The following FXYD5 variants were observed in gnomAD, a reference collection of about 807,000 sequenced individuals.
FXYD5 encodes the protein FXYD domain containing ion transport regulator 5.
Under a neutral mutation model 25.7 loss-of-function variants are expected in FXYD5, and 21 were observed. The observed-to-expected ratio is 0.82, with a 90% confidence interval of 0.58 to 1.18. FXYD5 has a LOEUF of 1.18. Ranked by LOEUF, FXYD5 falls within the 50% of genes most tolerant of loss-of-function variation. FXYD5 has a pLI of 0.00. For missense variants in FXYD5, 229 were observed against 227.7 expected (o/e 1.01, Z -0.04); for synonymous variants, 101 against 90.7 (o/e 1.11, Z -0.64).
chr19:35,159,477 G>T (rs1298737727), intron 4 of FXYD5: 4 of 1,547,522 alleles, frequency 2.6e-6, no homozygotes, highest in Non-Finnish European at 3.5e-6. Flanking sequence ...ACTGCATAAA[G>T]ACTTGTTTTG....
chr19:35,158,393 T>C lies in FXYD5; in HGVS notation c.192T>C (p.Pro64=). ...LQPTSPTPTW[P]ADETPQPQTQ... ...CCACCTCTCCAACCCCAACCTGGCC[T>C]GCTGATGGTGAGTAGTGCAGGGGCA... is the stretch of plus-strand genomic sequence containing the variant. The change falls in exon 4 of 9, where the codon CCT becomes CCC. Residue 64 remains proline (P), a synonymous_variant. Transcript: ENST00000392219. 6.3e-7 allele frequency: 1 copy of C among 1,593,492 alleles called. No homozygotes were observed. The highest frequency in any genetic ancestry group is 2.2e-5 in the East Asian group (1 of 44,774).
At chr19:35,167,591 G>A (rs553480671) in intron 8 of FXYD5, among the ~76,000 whole-genome samples, 1 of 152,320 alleles carries the variant, frequency 6.6e-6, no homozygotes, top group East Asian at 1.9e-4. Flanking sequence ...AAAATGTTGT[G>A]GGTGAAATAA....
chr19:35,164,017 A>AG (rs1184436578), intron 5 of FXYD5, 139 bp from the exon 6 acceptor site: 28 of 1,529,692 alleles, frequency 1.8e-5, no homozygotes, highest in Non-Finnish European at 2.4e-5. Flanking sequence ...GGTGTGGAGT[A>AG]GGGGGGATGC....
intron 2 of FXYD5, among the ~76,000 whole-genome samples, chr19:35,156,220 G>A (rs1433232102): frequency 3.9e-5 from 6 of 152,196 alleles, no homozygotes; most frequent in Admixed American, 3.9e-4. Flanking sequence ...GAGAATGGGT[G>A]GAGGAGCTGA....
Position 35,169,674 on chromosome 19 carries a change from AG to A in FXYD5, c.*60del. On this transcript the variant is annotated 3_prime_UTR_variant, in exon 9 of 9. Coordinates refer to ENST00000392219, the MANE Select transcript of FXYD5 (RefSeq NM_014164.6). ...GCACCCGAAGACCAAGCCCCCTGCC[AG>A]CTCACCGTGCCCAGCCTCCTGCATC... 1 of 1,101,594 alleles carries A rather than the reference AG, an allele frequency of 9.1e-7. No homozygotes were observed. The highest frequency in any genetic ancestry group is 1.3e-5 in the South Asian group (1 of 79,986). The allele number at this position is 1,101,594 out of a possible 1,614,324, so 68.2% of individuals were successfully genotyped here. A position where few individuals can be genotyped will look rare whatever the true frequency, so the allele number is the denominator to read the frequency against.
intron 3 of FXYD5, among the ~76,000 whole-genome samples, chr19:35,158,113 G>A (rs1218660137): frequency 6.6e-6 from 1 of 152,212 alleles, no homozygotes; most frequent in Non-Finnish European, 1.5e-5. Context: ...TTTGCAGCCA[G>A]CATCTCGAAG....
rs191144264 is a variant in FXYD5 at position 35,163,385 on chromosome 19, C to A, written c.293-771C>A. On this transcript the variant is annotated intron_variant, in intron 5 of 8. Coordinates refer to ENST00000392219, the MANE Select transcript of FXYD5 (RefSeq NM_014164.6). ...GGCACTTCTCAGTGCTTGGGGGAGG[C>A]CTTTTCTTTGGAGGTACTGATTTTT... 8.5e-4 allele frequency among the ~76,000 whole-genome samples: 127 copies of A among 149,124 alleles called. 1 individual carries two copies. The highest frequency in any genetic ancestry group is 3.0e-3 in the African/African-American group (119 of 40,304).
chr19:35,168,454 A>C (rs897006084), intron 8 of FXYD5, among the ~76,000 whole-genome samples: 1 of 152,230 alleles, frequency 6.6e-6, no homozygotes, highest in Non-Finnish European at 1.5e-5. Flanking sequence ...GCAAGTGCCA[A>C]GCCCTGGAGG....
intron 3 of FXYD5, 125 bp downstream of exon 3, chr19:35,157,626 C>T (rs1325308061): frequency 3.3e-6 from 2 of 600,050 alleles, no homozygotes; most frequent in Non-Finnish European, 6.1e-6. Context: ...AGGTACAGAC[C>T]TTCAGGCATG....
chr19:35,157,381 G>A (rs376148836), intron 2 of FXYD5, 40 bp from the exon 3 acceptor site: 2 of 1,110,936 alleles, frequency 1.8e-6, no homozygotes, highest in East Asian at 2.4e-5. Flanking sequence ...AGAGGAGGGG[G>A]ACCAGGCTCC....
chr19:35,159,551 TTGA>T (rs1568412197), intron 4 of FXYD5: 2 of 1,550,648 alleles, frequency 1.3e-6, no homozygotes, highest in Admixed American at 2.0e-5. Context: ...CACACACTTC[TTGA>T]TGAACATGTT....
chr19:35,168,753 C>G (rs546296878), intron 8 of FXYD5, among the ~76,000 whole-genome samples: 2 of 152,148 alleles, frequency 1.3e-5, no homozygotes, highest in Non-Finnish European at 2.9e-5. Flanking sequence ...TTACGTCCTT[C>G]AGACCTTTGT....
intron 8 of FXYD5, 142 bp from the exon 9 acceptor site, chr19:35,169,424 T>G: frequency 1.5e-6 from 1 of 651,508 alleles, no homozygotes. Flanking sequence ...GTTCTCGGTG[T>G]GTTTCTCCAT....
At chr19:35,164,332 T>C (rs2065432725) in intron 6 of FXYD5, 87 bp downstream of exon 6, 2 of 1,325,360 alleles carry the variant, frequency 1.5e-6, no homozygotes, top group Non-Finnish European at 2.1e-6. Flanking sequence ...CAGCACAGAA[T>C]AGTTCTCAGT....
chr19:35,157,329 G>A, intron 2 of FXYD5, 92 bp from the exon 3 acceptor site: 2 of 689,234 alleles, frequency 2.9e-6, no homozygotes, highest in Non-Finnish European at 2.6e-6. Context: ...CAGCAGACAG[G>A]ACCCCTAAGG....
In FXYD5 at chr19:35,155,461, G is replaced by A. The variant is rs1600497553; in HGVS notation, c.1-90G>A. The A allele has an allele frequency of 1.4e-5, 15 of 1,080,280 alleles. No individual in the cohort carries two copies. The East Asian group carries it at 3.5e-4, about 25-fold the overall frequency. 66.9% of individuals were successfully genotyped at this position (1,080,280 alleles called of 1,614,324 possible). On this transcript the variant is annotated intron_variant, in intron 1 of 8. Transcript: ENST00000392219. ...TTGGAAGCCAGAGGTTTTTGCTCAG[G>A]GCAGGGAAAGGGCTGCAGGATCCCC...
intron 5 of FXYD5, among the ~76,000 whole-genome samples, chr19:35,163,488 G>A (rs1456906191): frequency 6.6e-6 from 1 of 150,642 alleles, no homozygotes; most frequent in Non-Finnish European, 1.5e-5. Flanking sequence ...TTTTGTTGTT[G>A]TTGTTGTTTT....
At position 35,155,601 on chromosome 19, in the gene FXYD5, C is replaced by T. The variant is rs923415734; in HGVS notation, c.51C>T (p.Leu17=). 11 of 1,608,800 alleles carry T rather than the reference C, an allele frequency of 6.8e-6. No homozygotes were observed. In the Admixed American group the frequency reaches 1.0e-4, roughly 15 times the overall value. Residue 17 remains leucine (L), a synonymous_variant, in exon 2 of 9, where the codon CTC becomes CTT. Transcript: ENST00000392219. The part of the protein sequence containing the change: ...LCLLTIVGLI[L]PTRGQTLKDT... ...TTCTCACCATCGTTGGCCTGATTCT[C>T]CCCACCAGAGGTAAGACCCATCTCT...
chr19:35,163,928 T>A (rs774849732), intron 5 of FXYD5: 252 of 1,364,860 alleles, frequency 1.8e-4, no homozygotes, highest in Non-Finnish European at 2.3e-4. Flanking sequence ...CCTCGGGGAT[T>A]GAGGCAGATC....
Sources: gnomAD v4.1 joint callset for allele counts (sites outside exome capture counted in the v4.1 genomes callset) on GRCh38, gnomAD v4.1.1 for gene constraint, MANE v1.5 for transcripts, NCBI Gene and HGNC (gene_info 2026-07-23, HGNC 2026-07-21) for gene names.